The following IQCH variants were observed in gnomAD, a reference collection of about 807,000 sequenced individuals.
The protein encoded by IQCH is IQ domain-containing protein H.
Under a neutral mutation model 117.0 loss-of-function variants are expected in IQCH, and 98 were observed. The ratio of observed to expected loss-of-function variants is 0.84; its 90% confidence interval spans 0.71 to 0.99. The LOEUF (loss-of-function observed/expected upper bound fraction) is 0.99, where lower values mean the gene tolerates loss of function less well. IQCH is among the 50% of genes least tolerant of loss of function. The pLI, the probability that IQCH is intolerant of heterozygous loss-of-function variation, is 0.00. For synonymous variants in IQCH, 412 were observed against 448.2 expected (o/e 0.92, Z 1.02); for missense variants, 1,102 against 1,243.8 (o/e 0.89, Z 1.72).
chr15:67,320,870 T>TA (rs1968084983), intron 4 of IQCH, among the ~76,000 whole-genome samples: 1 of 152,184 alleles, frequency 6.6e-6, no homozygotes, highest in African/African-American at 2.4e-5. Flanking sequence ...AACATGAGGT[T>TA]AAAGATAGTC....
Position 67,364,971 on chromosome 15 carries a change from C to G in IQCH, c.753+5086C>G, listed in dbSNP as rs1481569933. ...TTGTTCTTGTTTTGAGATGCGGTCT[C>G]TCTCTGTCACCTAGTCTGCAGTGCA... is the stretch of plus-strand genomic sequence containing the variant. On this transcript the variant is annotated intron_variant, in intron 8 of 20. Transcript: ENST00000335894. The surrounding 1 kb of genome is among the most constrained non-coding windows in gnomAD (Gnocchi z 4.1). Among the ~76,000 whole-genome samples, 1 of 152,138 alleles carries G rather than the reference C, an allele frequency of 6.6e-6. No individual in the cohort carries two copies. The highest frequency in any genetic ancestry group is 1.5e-5 in the Non-Finnish European group (1 of 68,040).
intron 4 of IQCH, among the ~76,000 whole-genome samples, chr15:67,316,285 C>T (rs1045152244): frequency 1.3e-5 from 2 of 152,182 alleles, no homozygotes; most frequent in Admixed American, 6.5e-5. Flanking sequence ...GTCTTCTCCA[C>T]TCATTTAAAA....
chr15:67,371,796 T>C (rs539307465), intron 8 of IQCH, among the ~76,000 whole-genome samples: 170 of 152,262 alleles, frequency 1.1e-3, no homozygotes, highest in African/African-American at 3.7e-3. Context: ...ATCACAGAGA[T>C]TGGGGGTCAG....
At chr15:67,323,939 C>CTTTTTTTTTTTTTTTTTTTTTTTTTT (rs530534537) in intron 4 of IQCH, among the ~76,000 whole-genome samples, 1 of 64,366 alleles carries the variant, frequency 1.6e-5, no homozygotes, top group African/African-American at 6.4e-5. Flanking sequence ...TTAAGCATTT[C>CTTTTTTTTTTTTTTTTTTTTTTTTTT]TTTTTTTTTT....
chr15:67,257,020 A>G (rs928226900), intron 1 of IQCH, among the ~76,000 whole-genome samples: 5 of 152,162 alleles, frequency 3.3e-5, no homozygotes, highest in South Asian at 2.1e-4. Flanking sequence ...TTCCACTTCT[A>G]TTTGGGGCTA....
intron 4 of IQCH, among the ~76,000 whole-genome samples, chr15:67,308,534 G>T (rs1885838498): frequency 1.3e-5 from 2 of 152,080 alleles, no homozygotes; most frequent in Non-Finnish European, 2.9e-5. Flanking sequence ...CAAGGACTGT[G>T]GTGGCATGCA....
intron 8 of IQCH, among the ~76,000 whole-genome samples, chr15:67,360,368 G>A (rs1179010944): frequency 6.6e-6 from 1 of 152,130 alleles, no homozygotes; most frequent in Admixed American, 6.5e-5. Context: ...AACAACTAAG[G>A]TTATAAAAAC....
At chr15:67,276,408 A>T (rs138332648) in intron 3 of IQCH, among the ~76,000 whole-genome samples, 1 of 152,368 alleles carries the variant, frequency 6.6e-6, no homozygotes, top group East Asian at 1.9e-4. Context: ...AGACACAAGG[A>T]ACAGCATGGT....
Position 67,388,731 on chromosome 15 carries a change from A to G in IQCH, c.1457-100A>G. 9.8e-7 allele frequency: 1 copy of G among 1,016,094 alleles called. No individual in the cohort carries two copies. Among genetic ancestry groups the G allele is most frequent in the South Asian group, 1.7e-5 (1 of 60,352 alleles). 62.9% of individuals were successfully genotyped at this position (1,016,094 alleles called of 1,614,324 possible). ...ATTAACCTTAACCTGGGTTTTGGATATGCTCTTTATTTTAAACTGCACAAC... is the reference window on the plus strand; with the variant it reads ...ATTAACCTTAACCTGGGTTTTGGATGTGCTCTTTATTTTAAACTGCACAAC... On this transcript the variant is annotated intron_variant, in intron 11 of 20. Transcript: ENST00000335894. This position sits in a 1 kb window ranked among gnomAD's most constrained non-coding sequence, Gnocchi z 5.5.
At chr15:67,362,632 G>A (rs1206802175) in intron 8 of IQCH, among the ~76,000 whole-genome samples, 2 of 152,122 alleles carry the variant, frequency 1.3e-5, no homozygotes, top group African/African-American at 4.8e-5. Flanking sequence ...AAGGAGATTG[G>A]ATCAAATCAG....
At chr15:67,326,920 A>C (rs918546828) in intron 4 of IQCH, among the ~76,000 whole-genome samples, 1 of 152,198 alleles carries the variant, frequency 6.6e-6, no homozygotes, top group African/African-American at 2.4e-5. Context: ...GTTTTTGAAC[A>C]TCGTTGTCAA....
chr15:67,276,353 ACT>A (rs1421700785), intron 3 of IQCH, among the ~76,000 whole-genome samples: 2 of 152,180 alleles, frequency 1.3e-5, no homozygotes, highest in African/African-American at 4.8e-5. Flanking sequence ...ACTTTAAAAG[ACT>A]CTGAAAGACG....
intron 12 of IQCH, among the ~76,000 whole-genome samples, chr15:67,389,898 G>A (rs546728539): frequency 9.6e-4 from 146 of 151,894 alleles, no homozygotes; most frequent in African/African-American, 3.4e-3. Flanking sequence ...ATGGGGGTGG[G>A]GGAGGGACCT....
rs2082912029 is a variant in IQCH at position 67,465,637 on chromosome 15, A to C, written c.2676+340A>C. Among the ~76,000 whole-genome samples, 1 of 152,186 alleles carries C rather than the reference A, an allele frequency of 6.6e-6. No homozygotes were observed. Among genetic ancestry groups the C allele is most frequent in the Admixed American group, 6.5e-5 (1 of 15,274 alleles). ...AGCCCCACTCTCTTTTGTGAGCTTC[A>C]GATTCATGGGTCCAAAATTCTATAG... On this transcript the variant is annotated intron_variant, in intron 17 of 20. Transcript: ENST00000335894. The surrounding 1 kb of genome is among the most constrained non-coding windows in gnomAD (Gnocchi z 5.9).
At chr15:67,328,667 C>G (rs1968521699) in intron 4 of IQCH, among the ~76,000 whole-genome samples, 1 of 152,108 alleles carries the variant, frequency 6.6e-6, no homozygotes, top group Admixed American at 6.6e-5. Context: ...TCAGGTCTTA[C>G]TGATAATATG....
chr15:67,354,452 C>T (rs1208636659), intron 6 of IQCH, among the ~76,000 whole-genome samples: 5 of 152,064 alleles, frequency 3.3e-5, no homozygotes, highest in South Asian at 4.1e-4. Context: ...TTTTCTGAAC[C>T]TGATTGTTGT....
At chr15:67,255,115 C>T (rs927897669) in intron 1 of IQCH, 168 bp downstream of exon 1, 11 of 670,046 alleles carry the variant, frequency 1.6e-5, no homozygotes, top group African/African-American at 1.1e-4. Context: ...CCCCACGGCC[C>T]AGCACACTCC....
At chr15:67,492,669 G>A (rs1333565895) in intron 19 of IQCH, among the ~76,000 whole-genome samples, 1 of 152,196 alleles carries the variant, frequency 6.6e-6, no homozygotes, top group Non-Finnish European at 1.5e-5. Context: ...GCAGAGCCCA[G>A]CAGAGGCTGA....
In IQCH at chr15:67,493,627, T is replaced by G. The variant is rs955275786; in HGVS notation, c.2862-631T>G. Among the ~76,000 whole-genome samples, 2 of 152,212 alleles carry G rather than the reference T, an allele frequency of 1.3e-5. No individual in the cohort carries two copies. The highest frequency in any genetic ancestry group is 4.8e-5 in the African/African-American group (2 of 41,454). The stretch of plus-strand genomic sequence containing the variant: ...GGAAATCATTCGGCAAGGATCACAC[T>G]TAGCGACAGTTCTCCTAAAGTAACT... On this transcript the variant is annotated intron_variant, in intron 19 of 20. Transcript: ENST00000335894. The surrounding 1 kb of genome is among the most constrained non-coding windows in gnomAD (Gnocchi z 5.1).
Sources: allele counts gnomAD v4.1 joint callset (sites outside exome capture counted in the v4.1 genomes callset), GRCh38; gene constraint gnomAD v4.1.1; non-coding constraint Gnocchi (gnomAD v3.1); transcripts MANE v1.5; gene names NCBI Gene and HGNC (gene_info 2026-07-23, HGNC 2026-07-21).